The following MIB1 variants were observed in gnomAD, a reference collection of about 807,000 sequenced individuals.
MIB1 encodes the protein MIB E3 ubiquitin protein ligase 1.
A neutral mutation model predicts 124.5 loss-of-function variants in MIB1; 278 were observed. The observed-to-expected ratio is 2.23, with a 90% confidence interval of 2.02 to 2.47. The LOEUF is 2.47. Among genes scored for constraint, MIB1 ranks in the 30% most tolerant of loss-of-function variants. The probability of loss-of-function intolerance (pLI) is 0.00; values close to 1 mark genes in which losing one functional copy is unlikely to be tolerated. For synonymous variants in MIB1, 446 were observed against 429.4 expected, an observed-to-expected ratio of 1.04 and a Z score of -0.48; for missense variants, 957 against 1,254.4, an observed-to-expected ratio of 0.76 and a Z score of 3.58.
intron 20 of MIB1, among the ~76,000 whole-genome samples, chr18:21,862,476 A>G (rs1343239965): frequency 6.6e-6 from 1 of 152,224 alleles, no homozygotes; most frequent in East Asian, 1.9e-4. Context: ...CATTAAGGCA[A>G]ATATGATTTT....
chr18:21,712,750 A>T (rs2040671215), intron 1 of MIB1, among the ~76,000 whole-genome samples: 2 of 152,224 alleles, frequency 1.3e-5, no homozygotes, highest in African/African-American at 4.8e-5. Flanking sequence ...GACCCAGTTA[A>T]GTTGTACCTG....
Position 21,779,479 on chromosome 18 carries a change from A to G in MIB1, c.704-2A>G. 1 of 1,613,512 alleles carries G rather than the reference A, an allele frequency of 6.2e-7. No homozygotes were observed. The highest frequency in any genetic ancestry group is 8.5e-7 in the Non-Finnish European group (1 of 1,179,450). On this transcript the variant is annotated splice_acceptor_variant, in intron 5 of 20. Transcript: ENST00000261537. LOFTEE classifies it high-confidence loss of function. ...TTTATTCAATTGCCTCTGAAATTAC[A>G]GGTGAGCAGAATGGCAACAGGAATC... is the stretch of plus-strand genomic sequence containing the variant.
chr18:21,770,823 TA>T (rs1052044012), intron 3 of MIB1, among the ~76,000 whole-genome samples: 41 of 152,304 alleles, frequency 2.7e-4, no homozygotes, highest in African/African-American at 9.1e-4. Context: ...ATTATTAACT[TA>T]AAAAAATACC....
upstream of MIB1, among the ~76,000 whole-genome samples, chr18:21,739,211 CAT>C (rs1170121016): frequency 6.6e-6 from 1 of 152,164 alleles, no homozygotes; most frequent in East Asian, 1.9e-4. Context: ...TTCCTGGACA[CAT>C]ACACTCTCCC....
chr18:21,803,886 T>C, intron 9 of MIB1, 21 bp from the exon 10 acceptor site: 4 of 1,571,604 alleles, frequency 2.5e-6, no homozygotes, highest in Non-Finnish European at 3.5e-6. Flanking sequence ...ATTCTTTCAT[T>C]CTTTTTTTTA....
chr18:21,765,057 C>A (rs1187710797), intron 1 of MIB1, among the ~76,000 whole-genome samples: 1 of 152,166 alleles, frequency 6.6e-6, no homozygotes, highest in Admixed American at 6.6e-5. Flanking sequence ...ATTATTTCAC[C>A]TGAAAATGAA....
intron 18 of MIB1, among the ~76,000 whole-genome samples, chr18:21,856,060 C>T (rs2042223422): frequency 6.6e-6 from 1 of 151,248 alleles, no homozygotes; most frequent in Non-Finnish European, 1.5e-5. Flanking sequence ...GAAACCCCGT[C>T]TCTACTAAAA....
rs191441540 is a variant in MIB1 at position 21,848,182 on chromosome 18, G to A, written c.2394-1014G>A. Among the ~76,000 whole-genome samples the A allele has an allele frequency of 7.8e-4, 119 of 152,240 alleles. 1 individual carries two copies. The South Asian group carries it at 0.015, about 19-fold the overall frequency. ...ATTACAAAAAGAGAATGCATCGGCCGGGCGTGGTGGCTCACACCTGTAATC... is the reference window on the plus strand; with the variant it reads ...ATTACAAAAAGAGAATGCATCGGCCAGGCGTGGTGGCTCACACCTGTAATC... On this transcript the variant is annotated intron_variant, in intron 16 of 20. Transcript: ENST00000261537.
chr18:21,734,794 G>C (rs1348605028), intron 1 of MIB1, among the ~76,000 whole-genome samples: 1 of 152,182 alleles, frequency 6.6e-6, no homozygotes, highest in Non-Finnish European at 1.5e-5. Context: ...CTCCCACAGT[G>C]CTGGGATTAC....
In MIB1 at chr18:21,838,358, CTT is replaced by C; in HGVS notation, c.1830-5_1830-4del. The stretch of plus-strand genomic sequence containing the variant: ...AAATATAGAAATAATGTGAATTTAA[CTT>C]TCAGTGCAATGCGTGTTTTACTATC... On this transcript the variant is annotated splice_region_variant and splice_polypyrimidine_tract_variant and intron_variant, in intron 12 of 20. Coordinates refer to ENST00000261537, the MANE Select transcript of MIB1 (RefSeq NM_020774.4). The C allele has an allele frequency of 6.4e-7, 1 of 1,562,642 alleles. No homozygotes were observed. Among genetic ancestry groups the C allele is most frequent in the Non-Finnish European group, 8.7e-7 (1 of 1,153,922 alleles).
upstream of MIB1, among the ~76,000 whole-genome samples, chr18:21,740,760 C>T (rs1286385028): frequency 2.0e-5 from 3 of 152,242 alleles, no homozygotes; most frequent in African/African-American, 7.2e-5. Context: ...AACCGTCCGC[C>T]CTTTTTCTAG....
At position 21,851,242 on chromosome 18, in the gene MIB1, T is replaced by C. The variant is rs538945269; in HGVS notation, c.2586+1854T>C. ...AGCCCCTGTTCTTTTCACTGTGTTA[T>C]GATGCATAGACAAAATTAAGAACGA... On this transcript the variant is annotated intron_variant, in intron 17 of 20. Transcript: ENST00000261537. Among the ~76,000 whole-genome samples the C allele has an allele frequency of 9.3e-4, 141 of 152,158 alleles. 1 individual carries two copies. The highest frequency in any genetic ancestry group is 1.9e-3 in the Non-Finnish European group (128 of 68,006).
In MIB1 at chr18:21,741,849, G is replaced by C. The variant is rs377178181; in HGVS notation, c.229+37G>C. ...CCACCTGGCCAGGGCTTGCGCGCGC[G>C]GGGGGAAGGGGCGAGCTGCGGTGGG... On this transcript the variant is annotated intron_variant, in intron 1 of 20. Transcript: ENST00000261537. This position sits in a 1 kb window ranked among gnomAD's most constrained non-coding sequence, Gnocchi z 5.4. The C allele has an allele frequency of 7.3e-6, 11 of 1,509,226 alleles. No individual in the cohort carries two copies. The highest frequency in any genetic ancestry group is 2.2e-4 in the Middle Eastern group (1 of 4,536). The allele number at this position is 1,509,226 out of a possible 1,614,324, so 93.5% of individuals were successfully genotyped here.
At chr18:21,747,652 T>C (rs2040926296) in intron 1 of MIB1, among the ~76,000 whole-genome samples, 1 of 152,222 alleles carries the variant, frequency 6.6e-6, no homozygotes, top group African/African-American at 2.4e-5. Flanking sequence ...TAAAGGAGCA[T>C]GTAACACCTT....
chr18:21,740,787 CTCTCCTTGGACCCT>C (rs575006341), exon 1 of MIB1, among the ~76,000 whole-genome samples: 154 of 152,376 alleles, frequency 1.0e-3, 1 homozygote, highest in South Asian at 0.029. Context: ...CGCATGCGCA[CTCTCCTTGGACCCT>C]GGAGAGACGC....
chr18:21,798,394 T>G (rs1010725133), intron 8 of MIB1, among the ~76,000 whole-genome samples, 166 bp downstream of exon 8: 3 of 152,084 alleles, frequency 2.0e-5, no homozygotes, highest in Admixed American at 6.6e-5. Context: ...CACTAAAAAT[T>G]TTTGTTTTTT....
chr18:21,709,826 A>G (rs1205221884), intron 1 of MIB1, among the ~76,000 whole-genome samples: 7 of 152,214 alleles, frequency 4.6e-5, no homozygotes, highest in Non-Finnish European at 8.8e-5. Flanking sequence ...AGATGTGAGC[A>G]AAGACCTAGA....
rs2040850748 is a variant in MIB1, at chr18:21,741,525, C to G, written c.-59C>G. The G allele has an allele frequency of 1.6e-6, 2 of 1,261,810 alleles. No homozygotes were observed. Among genetic ancestry groups the G allele is most frequent in the Non-Finnish European group, 2.0e-6 (2 of 990,840 alleles). 78.2% of individuals were successfully genotyped at this position (1,261,810 alleles called of 1,614,324 possible). ...CCCGGGCCCAACTCCCTCACGGGCC[C>G]CCCGGCGGCAGCGGCGGCGGCGGCG... On this transcript the variant is annotated 5_prime_UTR_variant, in exon 1 of 21. Transcript: ENST00000261537. This position sits in a 1 kb window ranked among gnomAD's most constrained non-coding sequence, Gnocchi z 5.4.
chr18:21,763,536 A>G (rs769162826), intron 1 of MIB1, among the ~76,000 whole-genome samples: 2 of 152,112 alleles, frequency 1.3e-5, no homozygotes, highest in Non-Finnish European at 2.9e-5. Context: ...GTTTCTATCA[A>G]TGGAGACCTG....
Sources: allele counts gnomAD v4.1 joint callset (sites outside exome capture counted in the v4.1 genomes callset), GRCh38; gene constraint gnomAD v4.1.1; non-coding constraint Gnocchi (gnomAD v3.1); transcripts MANE v1.5; gene names NCBI Gene and HGNC (gene_info 2026-07-23, HGNC 2026-07-21).